The following CSMD1 variants were observed in gnomAD, a reference collection of about 807,000 sequenced individuals.
CSMD1 encodes the protein CUB and sushi domain-containing protein 1.
In CSMD1, 213 loss-of-function variants were observed where a neutral mutation model predicts 417.5. That is an observed-to-expected ratio of 0.51 (90% CI 0.46 to 0.57). The LOEUF (loss-of-function observed/expected upper bound fraction) is 0.57, where lower values mean the gene tolerates loss of function less well. CSMD1 is among the 20% of genes least tolerant of loss of function. The pLI is 0.00. For synonymous variants in CSMD1, 2,862 were observed against 1,736.8 expected (o/e 1.65, Z -16.11); for missense variants, 6,923 against 4,529.7 (o/e 1.53, Z -15.17).
chr8:3,358,718 C>A (rs1400359606), intron 21 of CSMD1, among the ~76,000 whole-genome samples: 3 of 152,176 alleles, frequency 2.0e-5, no homozygotes, highest in East Asian at 3.9e-4. Context: ...AAGGCTGCCA[C>A]TGACAACAAA....
At chr8:4,980,464 C>T (rs76534233) in intron 1 of CSMD1, among the ~76,000 whole-genome samples, 4,988 of 152,278 alleles carry the variant, frequency 0.033, 106 homozygotes, top group Middle Eastern at 0.13. Context: ...TTCAAGAGGC[C>T]TGTGGGCCTC....
In CSMD1 at chr8:4,364,694, G is replaced by A. The variant is rs1407616399; in HGVS notation, c.415+55259C>T. ...AAAAAAATTAGCCGGGCGTAGTGGC[G>A]GGCGCCTGTAGTCCCAGCTACTTGG... On this transcript the variant is annotated intron_variant, in intron 3 of 69. Coordinates refer to ENST00000635120, the MANE Select transcript of CSMD1 (RefSeq NM_033225.6). 3.2e-4 allele frequency among the ~76,000 whole-genome samples: 19 copies of A among 58,626 alleles called. 8 individuals are homozygous for A. The highest frequency in any genetic ancestry group is 1.4e-3 in the African/African-American group (10 of 7,090). The allele number at this position is 58,626 out of a possible 152,430, so 38.5% of individuals were successfully genotyped here.
In CSMD1 at chr8:3,096,892, T is replaced by C. The variant is rs761469938; in HGVS notation, c.7095A>G (p.Thr2365=). Residue 2365 remains threonine, a synonymous_variant, in exon 47 of 70, where the codon ACA becomes ACG. Coordinates refer to ENST00000635120, the MANE Select transcript of CSMD1 (RefSeq NM_033225.6). ...CATCAAACTGCTTTTCACTTTGAAA[T>C]GTGTCCACAAAGATGGTAATGTTGT... ...PNYNITIFVD[T]FQSEKQFDAL... 8 of 1,557,312 alleles carry C rather than the reference T, an allele frequency of 5.1e-6. No individual in the cohort carries two copies. The highest frequency in any genetic ancestry group is 7.0e-6 in the Non-Finnish European group (8 of 1,149,410).
intron 3 of CSMD1, among the ~76,000 whole-genome samples, chr8:4,411,757 C>G (rs963535339): frequency 3.9e-5 from 6 of 152,132 alleles, no homozygotes; most frequent in African/African-American, 1.4e-4. Flanking sequence ...ACATACCTAT[C>G]CAAGTACTTT....
intron 3 of CSMD1, among the ~76,000 whole-genome samples, chr8:4,126,214 G>T (rs981679774): frequency 1.3e-5 from 2 of 152,018 alleles, no homozygotes; most frequent in Non-Finnish European, 2.9e-5. Flanking sequence ...AAATGCTCTG[G>T]GAGACTGATT....
intron 2 of CSMD1, among the ~76,000 whole-genome samples, chr8:4,590,245 T>C (rs963591358): frequency 6.6e-6 from 1 of 152,106 alleles, no homozygotes; most frequent in African/African-American, 2.4e-5. Flanking sequence ...TCTAGCGTCA[T>C]ACTTGAAAGT....
intron 12 of CSMD1, among the ~76,000 whole-genome samples, chr8:3,450,416 T>G (rs1815623135): frequency 6.6e-6 from 1 of 152,028 alleles, no homozygotes; most frequent in Non-Finnish European, 1.5e-5. Context: ...ACCCATTAAC[T>G]CGTCATTTAG....
At chr8:2,992,190 TGCAC>T (rs1563213910) in intron 54 of CSMD1, among the ~76,000 whole-genome samples, 2 of 89,558 alleles carry the variant, frequency 2.2e-5, no homozygotes, top group African/African-American at 2.4e-4. Flanking sequence ...AACACACACA[TGCAC>T]ACATACATAC....
At chr8:4,410,107 C>A (rs1251869405) in intron 3 of CSMD1, among the ~76,000 whole-genome samples, 3 of 152,196 alleles carry the variant, frequency 2.0e-5, no homozygotes, top group South Asian at 2.1e-4. Context: ...AGCCACCGTA[C>A]CCGGTCCCAT....
chr8:3,171,028 C>G (rs1156229244), intron 37 of CSMD1, among the ~76,000 whole-genome samples: 1 of 152,134 alleles, frequency 6.6e-6, no homozygotes, highest in African/African-American at 2.4e-5. Context: ...TGGAATAAAT[C>G]TGAGCATGGT....
At chr8:3,168,685 A>G (rs1820387400) in intron 37 of CSMD1, among the ~76,000 whole-genome samples, 1 of 152,140 alleles carries the variant, frequency 6.6e-6, no homozygotes, top group South Asian at 2.1e-4. Flanking sequence ...CGCCATTAAT[A>G]ACATAGTACC....
intron 11 of CSMD1, among the ~76,000 whole-genome samples, chr8:3,484,537 C>G (rs1238179625): frequency 1.3e-5 from 2 of 152,080 alleles, no homozygotes; most frequent in Admixed American, 6.5e-5. Context: ...GCAAAGAATC[C>G]TTAGAGTTGA....
intron 5 of CSMD1, among the ~76,000 whole-genome samples, chr8:3,853,581 T>A (rs1585093528): frequency 1.3e-5 from 2 of 151,866 alleles, no homozygotes; most frequent in South Asian, 4.2e-4. Flanking sequence ...AAAAAATAAG[T>A]TAAATAAAAA....
chr8:3,586,205 T>C lies in CSMD1; in HGVS notation c.1153A>G (p.Lys385Glu), dbSNP rs1563176078. 4.3e-6 allele frequency: 7 copies of C among 1,612,454 alleles called. No homozygotes were observed. In the East Asian group the frequency reaches 1.3e-4, roughly 31 times the overall value. The change falls in exon 9 of 70, where the codon AAA becomes GAA. Residue 385 changes from lysine to glutamate, a missense_variant. Lys to Glu is a moderately conservative substitution (Grantham distance 56). Transcript: ENST00000635120. The stretch of plus-strand genomic sequence containing the variant: ...GTAACTCTCTGACAGGTGATGCTTT[T>C]AGATCCCTGGAGCACGTAATTGTCC... ...CEDNYVLQGS[K>E]SITCQRVTET...
At position 4,324,345 on chromosome 8, in the gene CSMD1, G is replaced by T. The variant is rs140851413; in HGVS notation, c.415+95608C>A. 2.7e-3 allele frequency among the ~76,000 whole-genome samples: 417 copies of T among 152,310 alleles called. 1 individual carries two copies. The highest frequency in any genetic ancestry group is 9.5e-3 in the African/African-American group (395 of 41,576). ...AAGAAATCAATACTCGGAAGGTCCT[G>T]TAGTAGCAGCCATTCCATGGATGGG... On this transcript the variant is annotated intron_variant, in intron 3 of 69. Transcript: ENST00000635120.
intron 2 of CSMD1, among the ~76,000 whole-genome samples, chr8:4,542,455 A>T (rs111480695): frequency 0.047 from 7,218 of 152,328 alleles, 282 homozygotes; most frequent in African/African-American, 0.1. Flanking sequence ...TCTGAGAACA[A>T]TGGGATATTT....
rs565672916 is a variant in CSMD1 at position 4,124,585 on chromosome 8, G to A, written c.416-92486C>T. ...CTGCGCCCGGTAGTGGGGACCATCT[G>A]GGGTTTCCTGTGCCTGGCACCAGCA... On this transcript the variant is annotated intron_variant, in intron 3 of 69. Coordinates refer to ENST00000635120, the MANE Select transcript of CSMD1 (RefSeq NM_033225.6). Among the ~76,000 whole-genome samples the A allele has an allele frequency of 5.3e-5, 8 of 152,236 alleles. No homozygotes were observed. The South Asian group carries it at 1.7e-3, about 32-fold the overall frequency.
intron 1 of CSMD1, among the ~76,000 whole-genome samples, chr8:4,687,626 T>C (rs923061347): frequency 2.0e-5 from 3 of 152,204 alleles, no homozygotes; most frequent in African/African-American, 7.2e-5. Context: ...CGGTGAATTA[T>C]GAAGTGTTAC....
chr8:4,321,003 T>C (rs1189168629), intron 3 of CSMD1, among the ~76,000 whole-genome samples: 11 of 152,168 alleles, frequency 7.2e-5, no homozygotes, highest in Non-Finnish European at 1.5e-4. Flanking sequence ...AGTTTCTCTG[T>C]AAATTATTTA....
Sources: allele counts gnomAD v4.1 joint callset (sites outside exome capture counted in the v4.1 genomes callset), GRCh38; gene constraint gnomAD v4.1.1; transcripts MANE v1.5; gene names NCBI Gene and HGNC (gene_info 2026-07-23, HGNC 2026-07-21).